CTIF: variants seen among roughly 807,000 people sequenced by gnomAD.
CTIF encodes the protein cap binding complex dependent translation initiation factor, also known as CBP80/20-dependent translation initiation factor.
CTIF carries 21 observed loss-of-function variants against 66.0 expected under a neutral mutation model. The observed-to-expected ratio is 0.32, with a 90% CI of 0.23 to 0.46. CTIF has a LOEUF of 0.46. Ranked by LOEUF, CTIF falls within the 20% of genes least tolerant of loss-of-function variation. CTIF has a pLI of 1.00. For synonymous variants in CTIF, 345 were observed against 326.4 expected (o/e 1.06, Z -0.62); for missense variants, 739 against 812.7 (o/e 0.91, Z 1.10).
chr18:48,714,165 C>T (rs1461596157), intron 7 of CTIF, among the ~76,000 whole-genome samples: 1 of 152,246 alleles, frequency 6.6e-6, no homozygotes, highest in Non-Finnish European at 1.5e-5. Context: ...GCTAATGACC[C>T]ATAGTAGTAG....
At chr18:48,748,929 G>T (rs561021009) in intron 7 of CTIF, among the ~76,000 whole-genome samples, 1 of 152,328 alleles carries the variant, frequency 6.6e-6, no homozygotes, top group South Asian at 2.1e-4. Context: ...CCATGAGAAA[G>T]TTCCTTCATT....
chr18:48,541,855 A>T (rs561417761), intron 1 of CTIF, among the ~76,000 whole-genome samples: 22 of 147,006 alleles, frequency 1.5e-4, no homozygotes, highest in Non-Finnish European at 2.8e-4. Context: ...CCCCCGCCAG[A>T]TATCATAGCA....
chr18:48,806,050 G>A (rs996679902), intron 9 of CTIF, among the ~76,000 whole-genome samples: 3 of 152,142 alleles, frequency 2.0e-5, no homozygotes, highest in Admixed American at 2.0e-4. Flanking sequence ...ATCAGGGCTG[G>A]GAAGGAAGCA....
intron 10 of CTIF, among the ~76,000 whole-genome samples, chr18:48,823,075 A>T (rs2068515422): frequency 6.6e-6 from 1 of 152,108 alleles, no homozygotes; most frequent in Non-Finnish European, 1.5e-5. Context: ...TCTTTATCAG[A>T]TGTATGGTTT....
At chr18:48,675,886 A>C (rs369701428) in intron 6 of CTIF, among the ~76,000 whole-genome samples, 17 of 152,196 alleles carry the variant, frequency 1.1e-4, no homozygotes, top group African/African-American at 4.1e-4. Context: ...TCCATAGTCT[A>C]AGCCGAGTTA....
intron 3 of CTIF, among the ~76,000 whole-genome samples, chr18:48,656,622 C>G (rs891508719): frequency 1.3e-5 from 2 of 152,164 alleles, no homozygotes; most frequent in African/African-American, 4.8e-5. Context: ...GCTTAAAGTG[C>G]TCATTATCCC....
intron 1 of CTIF, among the ~76,000 whole-genome samples, chr18:48,593,208 A>T (rs1392675895): frequency 6.6e-6 from 1 of 152,160 alleles, no homozygotes; most frequent in Non-Finnish European, 1.5e-5. Flanking sequence ...TCAGCTGGGG[A>T]ACGCACCCAA....
At chr18:48,548,211 T>C (rs1478916235) in intron 1 of CTIF, among the ~76,000 whole-genome samples, 1 of 152,162 alleles carries the variant, frequency 6.6e-6, no homozygotes, top group Non-Finnish European at 1.5e-5. Context: ...ACATTCCCCA[T>C]GCTGTTCCCT....
At chr18:48,853,197 T>C (rs2069247320) in intron 10 of CTIF, among the ~76,000 whole-genome samples, 1 of 152,154 alleles carries the variant, frequency 6.6e-6, no homozygotes, top group African/African-American at 2.4e-5. Flanking sequence ...TCATGGAGCT[T>C]GCCTTCTAGA....
intron 1 of CTIF, among the ~76,000 whole-genome samples, chr18:48,548,921 G>C (rs1291006915): frequency 6.6e-6 from 1 of 152,186 alleles, no homozygotes; most frequent in Non-Finnish European, 1.5e-5. Flanking sequence ...CTAGTGTAAG[G>C]TGGTAAGTAT....
chr18:48,653,305 A>G (rs954426995), intron 3 of CTIF, among the ~76,000 whole-genome samples: 2 of 152,242 alleles, frequency 1.3e-5, no homozygotes, highest in African/African-American at 4.8e-5. Context: ...ATCAATGTGC[A>G]AAAATCACAA....
chr18:48,660,474 C>T (rs1203952660), intron 3 of CTIF, among the ~76,000 whole-genome samples: 1 of 152,270 alleles, frequency 6.6e-6, no homozygotes, highest in African/African-American at 2.4e-5. Flanking sequence ...GCAGGCACAG[C>T]TTCTGCCCTG....
chr18:48,587,384 C>T (rs576220923), intron 1 of CTIF, among the ~76,000 whole-genome samples: 1 of 152,082 alleles, frequency 6.6e-6, no homozygotes, highest in Non-Finnish European at 1.5e-5. Flanking sequence ...CTGGCTGCCA[C>T]TTTTAAAAAT....
At chr18:48,789,042 G>A (rs919415081) in intron 9 of CTIF, among the ~76,000 whole-genome samples, 4 of 152,182 alleles carry the variant, frequency 2.6e-5, no homozygotes, top group African/African-American at 9.7e-5. Context: ...AAGAGCAGGT[G>A]TGTGCACGTA....
chr18:48,836,893 G>A (rs1290804945), intron 10 of CTIF, among the ~76,000 whole-genome samples: 1 of 152,212 alleles, frequency 6.6e-6, no homozygotes, highest in Admixed American at 6.5e-5. Flanking sequence ...CTGAGAGGGC[G>A]CCGGGGCCCA....
chr18:48,592,306 C>T (rs1185805337), intron 1 of CTIF, among the ~76,000 whole-genome samples: 1 of 151,958 alleles, frequency 6.6e-6, no homozygotes, highest in Non-Finnish European at 1.5e-5. Flanking sequence ...GAGTTTGAGA[C>T]CAGCCTGACC....
rs1303960671 is a variant in CTIF, at chr18:48,738,945, C to A, written c.585-18974C>A. On this transcript the variant is annotated intron_variant, in intron 7 of 11. Transcript: ENST00000256413. Reference sequence around the variant, plus strand: ...ACCTCGCTTAGGGACCTGCCCAGCTCCTTGGGCTACCTCCCATCCTGCAGT... The same window carrying A: ...ACCTCGCTTAGGGACCTGCCCAGCTACTTGGGCTACCTCCCATCCTGCAGT... 2.6e-5 allele frequency among the ~76,000 whole-genome samples: 4 copies of A among 152,192 alleles called. No homozygotes were observed. In the East Asian group the frequency reaches 7.7e-4, roughly 29 times the overall value.
chr18:48,704,153 G>T (rs2092121121), intron 6 of CTIF, among the ~76,000 whole-genome samples: 1 of 152,114 alleles, frequency 6.6e-6, no homozygotes, highest in Non-Finnish European at 1.5e-5. Context: ...GATGCTCCTG[G>T]GGGGTTGGCC....
At chr18:48,745,875 C>G (rs2092592151) in intron 7 of CTIF, among the ~76,000 whole-genome samples, 1 of 152,196 alleles carries the variant, frequency 6.6e-6, no homozygotes, top group South Asian at 2.1e-4. Flanking sequence ...CACCATGGCC[C>G]CATCAGTTCC....
Sources: allele counts gnomAD v4.1 joint callset (sites outside exome capture counted in the v4.1 genomes callset), GRCh38; gene constraint gnomAD v4.1.1; transcripts MANE v1.5; gene names NCBI Gene and HGNC (gene_info 2026-07-23, HGNC 2026-07-21).